Variants in C6orf52 observed in about 807,000 individuals in gnomAD.
The protein encoded by C6orf52 is putative uncharacterized protein C6orf52.
In C6orf52, 16 loss-of-function variants were observed where a neutral mutation model predicts 16.6. The observed-to-expected ratio is 0.96, with a 90% CI of 0.65 to 1.46. The LOEUF (loss-of-function observed/expected upper bound fraction) is 1.46. Among genes scored for constraint, C6orf52 ranks in the 40% most tolerant of loss-of-function variants. C6orf52 has a pLI of 0.00. For missense variants in C6orf52, 166 were observed against 182.3 expected (o/e 0.91, Z 0.52); for synonymous variants, 53 against 61.4 (o/e 0.86, Z 0.64).
chr6:10,677,848 T>A (rs562733005), intron 4 of C6orf52, among the ~76,000 whole-genome samples: 1 of 152,042 alleles, frequency 6.6e-6, no homozygotes, highest in South Asian at 2.1e-4. Context: ...TTTTTTCTAT[T>A]TCTATGTAGA....
At chr6:10,693,126 C>T (rs1380334321) in intron 1 of C6orf52, among the ~76,000 whole-genome samples, 1 of 152,212 alleles carries the variant, frequency 6.6e-6, no homozygotes, top group African/African-American at 2.4e-5. Context: ...GGCCCAGGCA[C>T]GTTCCAGCTC....
At chr6:10,680,038 A>G (rs1011358954) in intron 4 of C6orf52, among the ~76,000 whole-genome samples, 14 of 152,226 alleles carry the variant, frequency 9.2e-5, no homozygotes, top group Non-Finnish European at 1.5e-4. Context: ...AGATCACCTG[A>G]GCTCAGGAGT....
At chr6:10,674,651 TTTTTTTA>T (rs928537390) in intron 4 of C6orf52, 3 of 148,874 alleles carry the variant, frequency 2.0e-5, no homozygotes, top group Admixed American at 6.6e-5. Flanking sequence ...TTTTTTTTTT[TTTTTTTA>T]AAAGACTAGT....
intron 4 of C6orf52, among the ~76,000 whole-genome samples, chr6:10,672,200 C>G (rs1464251392): frequency 6.6e-6 from 1 of 152,144 alleles, no homozygotes; most frequent in Non-Finnish European, 1.5e-5. Flanking sequence ...CCAAGGCTTA[C>G]AAGGTCATTA....
chr6:10,682,052 G>C (rs549756698), intron 4 of C6orf52, among the ~76,000 whole-genome samples: 41 of 152,284 alleles, frequency 2.7e-4, no homozygotes, highest in Non-Finnish European at 5.6e-4. Context: ...TTTTCAACTC[G>C]TATGTGATGG....
chr6:10,692,205 A>C (rs1769378049), intron 1 of C6orf52, among the ~76,000 whole-genome samples: 1 of 152,180 alleles, frequency 6.6e-6, no homozygotes, highest in Non-Finnish European at 1.5e-5. Flanking sequence ...CATTAAAATA[A>C]ACAGATATGT....
intron 4 of C6orf52, among the ~76,000 whole-genome samples, chr6:10,677,726 G>T (rs1768019299): frequency 6.6e-6 from 1 of 151,460 alleles, no homozygotes; most frequent in Admixed American, 6.6e-5. Flanking sequence ...TAGAGACGGG[G>T]TTTCACCATG....
At chr6:10,677,719 A>G (rs2127462395) in intron 4 of C6orf52, among the ~76,000 whole-genome samples, 1 of 151,674 alleles carries the variant, frequency 6.6e-6, no homozygotes, top group South Asian at 2.1e-4. Context: ...TTGTTAGTAG[A>G]GACGGGGTTT....
At chr6:10,682,087 A>G (rs1254997711) in intron 4 of C6orf52, among the ~76,000 whole-genome samples, 1 of 152,142 alleles carries the variant, frequency 6.6e-6, no homozygotes, top group Non-Finnish European at 1.5e-5. Context: ...TGTGAGGTGG[A>G]AACCTGTGTT....
At chr6:10,689,855 TACTTA>T (rs1214643088) in intron 1 of C6orf52, among the ~76,000 whole-genome samples, 1 of 152,262 alleles carries the variant, frequency 6.6e-6, no homozygotes, top group Non-Finnish European at 1.5e-5. Flanking sequence ...ACCGCTGGTT[TACTTA>T]ATGTCTTGTT....
At chr6:10,682,584 G>A (rs753402646) in intron 4 of C6orf52, among the ~76,000 whole-genome samples, 3 of 142,518 alleles carry the variant, frequency 2.1e-5, no homozygotes, top group Admixed American at 6.7e-5. Flanking sequence ...AGACAAACAT[G>A]TGATAAGACA....
At chr6:10,689,213 C>A (rs150549868) in intron 1 of C6orf52, among the ~76,000 whole-genome samples, 1 of 152,210 alleles carries the variant, frequency 6.6e-6, no homozygotes. Context: ...TCAGGAGATC[C>A]GCTCGCCTTA....
At chr6:10,689,125 C>T (rs1432979825) in intron 1 of C6orf52, among the ~76,000 whole-genome samples, 1 of 152,096 alleles carries the variant, frequency 6.6e-6, no homozygotes, top group Non-Finnish European at 1.5e-5. Context: ...TTACAGGTGC[C>T]CACCACCACG....
chr6:10,691,098 A>T (rs1769254928), intron 1 of C6orf52, among the ~76,000 whole-genome samples: 1 of 152,198 alleles, frequency 6.6e-6, no homozygotes. Context: ...TTCTTGAAAA[A>T]GTCACTTCTC....
At chr6:10,693,786 T>TG in intron 1 of C6orf52, among the ~76,000 whole-genome samples, 1 of 152,144 alleles carries the variant, frequency 6.6e-6, no homozygotes, top group Non-Finnish European at 1.5e-5. Context: ...TGGAATGCAG[T>TG]GGAGCGATCT....
At chr6:10,685,688 TAGAA>T (rs1472115532) in intron 3 of C6orf52, among the ~76,000 whole-genome samples, 1 of 152,062 alleles carries the variant, frequency 6.6e-6, no homozygotes, top group Non-Finnish European at 1.5e-5. Context: ...ACAGAAAAAT[TAGAA>T]AGAGGATATC....
At chr6:10,688,807 GT>G (rs951505900) in intron 1 of C6orf52, among the ~76,000 whole-genome samples, 2 of 152,138 alleles carry the variant, frequency 1.3e-5, no homozygotes, top group Non-Finnish European at 2.9e-5. Flanking sequence ...GAGTTTTGGG[GT>G]TTTTTGTTTT....
chr6:10,672,609 T>C (rs1767529856), intron 4 of C6orf52: 1 of 701,566 alleles, frequency 1.4e-6, no homozygotes, highest in East Asian at 2.7e-5. Context: ...GAGTTTGAGA[T>C]CAGCCTGGGC....
intron 1 of C6orf52, among the ~76,000 whole-genome samples, chr6:10,693,996 C>A (rs1006521701): frequency 1.3e-5 from 2 of 152,194 alleles, no homozygotes; most frequent in African/African-American, 4.8e-5. Context: ...CTGTGGCTCA[C>A]GCCTGCAATC....
Sources: gnomAD v4.1 joint callset for allele counts (sites outside exome capture counted in the v4.1 genomes callset) on GRCh38, gnomAD v4.1.1 for gene constraint, MANE v1.5 for transcripts, NCBI Gene and HGNC (gene_info 2026-07-23, HGNC 2026-07-21) for gene names.